SEC61A2: variants seen among roughly 807,000 people sequenced by gnomAD.
SEC61A2 encodes SEC61 translocon subunit alpha 2, also known as protein transport protein Sec61 subunit alpha isoform 2.
In SEC61A2, 28 loss-of-function variants were observed where a neutral mutation model predicts 59.9. That is an observed-to-expected ratio of 0.47 (90% CI 0.35 to 0.64). The LOEUF (loss-of-function observed/expected upper bound fraction) is 0.64, where lower values mean the gene tolerates loss of function less well. Among genes scored for constraint, SEC61A2 ranks in the 30% least tolerant of loss-of-function variants. The pLI, the probability that SEC61A2 is intolerant of heterozygous loss-of-function variation, is 0.01. For missense variants in SEC61A2, 340 were observed against 585.9 expected, an observed-to-expected ratio of 0.58 and a Z score of 4.33; for synonymous variants, 202 against 214.4, an observed-to-expected ratio of 0.94 and a Z score of 0.50.
intron 2 of SEC61A2, among the ~76,000 whole-genome samples, chr10:12,134,228 C>T (rs1273334002): frequency 7.2e-6 from 1 of 138,822 alleles, no homozygotes; most frequent in South Asian, 2.4e-4. Flanking sequence ...AGGATGGTCT[C>T]GATCTCCTGA....
At chr10:12,147,081 G>A (rs1352287808) in intron 4 of SEC61A2, among the ~76,000 whole-genome samples, 1 of 151,990 alleles carries the variant, frequency 6.6e-6, no homozygotes, top group East Asian at 1.9e-4. Context: ...TGTAGAGACA[G>A]CATCTCACTT....
chr10:12,134,143 A>G (rs1833827003), intron 2 of SEC61A2, among the ~76,000 whole-genome samples: 1 of 152,132 alleles, frequency 6.6e-6, no homozygotes, highest in Non-Finnish European at 1.5e-5. Context: ...AGTAGCTGGG[A>G]CTACAGGCGC....
downstream of SEC61A2, chr10:12,167,696 T>G: frequency 3.1e-6 from 5 of 1,613,826 alleles, no homozygotes; most frequent in Non-Finnish European, 4.2e-6. Flanking sequence ...AGTGTCATAT[T>G]TGGGCTTAAA....
rs1215945900 is a variant in SEC61A2, at chr10:12,156,874, A to C, written c.617-33A>C. 2 of 1,603,386 alleles carry C rather than the reference A, an allele frequency of 1.2e-6. No homozygotes were observed. The highest frequency in any genetic ancestry group is 2.7e-5 in the African/African-American group (2 of 74,248). ...AGCTTTGGGACAGCTTTGGACGATG[A>C]GTCCACAGGTCGTGTCTGTCTTGAT... On this transcript the variant is annotated intron_variant, in intron 7 of 11. Coordinates refer to ENST00000298428, the MANE Select transcript of SEC61A2 (RefSeq NM_018144.4). The surrounding 1 kb of genome is among the most constrained non-coding windows in gnomAD (Gnocchi z 5.2).
At chr10:12,130,650 A>T (rs1833713604) in intron 1 of SEC61A2, 1 of 154,324 alleles carries the variant, frequency 6.5e-6, no homozygotes, top group African/African-American at 2.4e-5. Context: ...AGGAAAAGGG[A>T]TGGAGAGGTT....
At chr10:12,169,128 G>T (rs1430936297), downstream of SEC61A2, 4 of 564,576 alleles carry the variant, frequency 7.1e-6, no homozygotes, top group Non-Finnish European at 9.5e-6. The surrounding 1 kb of genome is among the most constrained non-coding windows in gnomAD (Gnocchi z 4.8). Context: ...TTGAATAAAC[G>T]GTTTGATTAC....
chr10:12,159,046 C>T (rs1009236473), intron 9 of SEC61A2, among the ~76,000 whole-genome samples: 227 of 149,876 alleles, frequency 1.5e-3, no homozygotes, highest in African/African-American at 3.7e-3. Context: ...GGTACGATCT[C>T]GGCTCACTGC....
chr10:12,134,918 C>CA (rs1332557081), intron 2 of SEC61A2, among the ~76,000 whole-genome samples: 2,427 of 83,238 alleles, frequency 0.029, 56 homozygotes, highest in African/African-American at 0.095. Flanking sequence ...GACTCTGTCT[C>CA]AAAAAAAAAA....
At chr10:12,135,275 C>T (rs1403582676) in intron 2 of SEC61A2, among the ~76,000 whole-genome samples, 2 of 151,804 alleles carry the variant, frequency 1.3e-5, no homozygotes, top group East Asian at 1.9e-4. Flanking sequence ...TGTAACAAAC[C>T]GGCACGTTCA....
rs386740945 is a variant in SEC61A2, at chr10:12,155,606, GCC to G, written c.463-171_463-170del. On this transcript the variant is annotated intron_variant, in intron 6 of 11. Coordinates refer to ENST00000298428, the MANE Select transcript of SEC61A2 (RefSeq NM_018144.4). The surrounding 1 kb of genome is among the most constrained non-coding windows in gnomAD (Gnocchi z 4.3). ...CCAGTCCTCTTACTGTTCTAGATTG[GCC>G]TGAGTAAATGAAAGCAGGCCAAAAG... Among the ~76,000 whole-genome samples the G allele has an allele frequency of 1.6e-4, 25 of 152,230 alleles. No homozygotes were observed. Among genetic ancestry groups the G allele is most frequent in the African/African-American group, 5.8e-4 (24 of 41,542 alleles).
intron 4 of SEC61A2, among the ~76,000 whole-genome samples, chr10:12,148,257 T>C (rs1396585342): frequency 6.8e-6 from 1 of 147,008 alleles, no homozygotes; most frequent in African/African-American, 2.5e-5. Flanking sequence ...TTTTTTTTTT[T>C]TTTTTAAGAC....
intron 8 of SEC61A2, 79 bp from the exon 9 acceptor site, chr10:12,157,829 T>A: frequency 7.3e-7 from 1 of 1,364,416 alleles, no homozygotes; most frequent in Non-Finnish European, 1.0e-6. Flanking sequence ...CCCGCACTGT[T>A]CTTTGTTTTC....
At chr10:12,131,348 G>A (rs968210911) in intron 1 of SEC61A2, among the ~76,000 whole-genome samples, 1 of 152,152 alleles carries the variant, frequency 6.6e-6, no homozygotes, top group Non-Finnish European at 1.5e-5. Flanking sequence ...AAGCCGCAGA[G>A]CCTAACTAAT....
Position 12,149,479 on chromosome 10 carries a change from G to T in SEC61A2, c.221-116G>T. ...AGTAGTGTTTAAGAAATGAAAATTT[G>T]CTTGTTAAAATTTTCACGTGTGTTT... On this transcript the variant is annotated intron_variant, in intron 4 of 11. Coordinates refer to ENST00000298428, the MANE Select transcript of SEC61A2 (RefSeq NM_018144.4). This position sits in a 1 kb window ranked among gnomAD's most constrained non-coding sequence, Gnocchi z 5.2. The T allele has an allele frequency of 2.1e-6, 2 of 970,998 alleles. No homozygotes were observed. Among genetic ancestry groups the T allele is most frequent in the Admixed American group, 5.1e-5 (2 of 39,066 alleles). The allele number at this position is 970,998 out of a possible 1,614,324, so 60.1% of individuals were successfully genotyped here. A position where few individuals can be genotyped will look rare whatever the true frequency, so the allele number is the denominator to read the frequency against.
At chr10:12,168,295 A>G (rs1003339061), downstream of SEC61A2, among the ~76,000 whole-genome samples, 1 of 152,214 alleles carries the variant, frequency 6.6e-6, no homozygotes, top group Non-Finnish European at 1.5e-5. The surrounding 1 kb of genome is among the most constrained non-coding windows in gnomAD (Gnocchi z 4.8). Flanking sequence ...AAGTGCTGGG[A>G]TTACAGGCGT....
intron 3 of SEC61A2, among the ~76,000 whole-genome samples, chr10:12,138,229 CTTGTTTTAAAT>C (rs1456066526): frequency 6.6e-6 from 1 of 151,974 alleles, no homozygotes; most frequent in African/African-American, 2.4e-5. Context: ...TACTACTGTA[CTTGTTTTAAAT>C]TTGTTTTAAA....
chr10:12,169,169 T>C (rs1025498904), downstream of SEC61A2: 9 of 753,476 alleles, frequency 1.2e-5, no homozygotes, highest in Admixed American at 2.9e-5. The surrounding 1 kb of genome is among the most constrained non-coding windows in gnomAD (Gnocchi z 4.8). Context: ...GCTAGGCAAC[T>C]TGGTTCTTTT....
chr10:12,162,861 A>G lies in SEC61A2; in HGVS notation c.1244+572A>G, dbSNP rs1011168540. 1.3e-5 allele frequency among the ~76,000 whole-genome samples: 2 copies of G among 152,094 alleles called. No individual in the cohort carries two copies. The highest frequency in any genetic ancestry group is 6.5e-5 in the Admixed American group (1 of 15,268). On this transcript the variant is annotated intron_variant, in intron 11 of 11. Transcript: ENST00000298428. The surrounding 1 kb of genome is among the most constrained non-coding windows in gnomAD (Gnocchi z 6.1). The stretch of plus-strand genomic sequence containing the variant: ...CTCTACAGATTTGCCTATTCTGTAC[A>G]TTTCATATAAATGGAATCATATAAT...
rs898165664 is a variant in SEC61A2, at chr10:12,143,219, A to G, written c.220+24A>G. On this transcript the variant is annotated intron_variant, in intron 4 of 11. Coordinates refer to ENST00000298428, the MANE Select transcript of SEC61A2 (RefSeq NM_018144.4). The surrounding 1 kb of genome is among the most constrained non-coding windows in gnomAD (Gnocchi z 4.8). ...AGGTATGCGTGTCTTTTCTGTCTCC[A>G]CACTCCTACTCACAGCAAACAGATG... 5.4e-6 allele frequency: 8 copies of G among 1,488,802 alleles called. No individual in the cohort carries two copies. Among genetic ancestry groups the G allele is most frequent in the Non-Finnish European group, 7.5e-6 (8 of 1,065,802 alleles). The allele number at this position is 1,488,802 out of a possible 1,614,324, so 92.2% of individuals were successfully genotyped here.
Sources: gnomAD v4.1 joint callset for allele counts (sites outside exome capture counted in the v4.1 genomes callset) on GRCh38, gnomAD v4.1.1 for gene constraint, Gnocchi (gnomAD v3.1) non-coding constraint, MANE v1.5 for transcripts, NCBI Gene and HGNC (gene_info 2026-07-23, HGNC 2026-07-21) for gene names.